PDE4B: variants seen among roughly 807,000 people sequenced by gnomAD.
PDE4B encodes the protein 3',5'-cyclic-AMP phosphodiesterase 4B.
A neutral mutation model predicts 82.2 loss-of-function variants in PDE4B; 20 were observed. That is an observed-to-expected ratio of 0.24 (90% CI 0.17 to 0.35). PDE4B has a LOEUF of 0.35. Ranked by LOEUF, PDE4B falls within the 10% of genes least tolerant of loss-of-function variation. PDE4B has a pLI of 1.00. For synonymous variants in PDE4B, 320 were observed against 318.9 expected, an observed-to-expected ratio of 1.00 and a Z score of -0.04; for missense variants, 655 against 907.2, an observed-to-expected ratio of 0.72 and a Z score of 3.57.
At chr1:66,230,549 A>C (rs369929989) in intron 3 of PDE4B, among the ~76,000 whole-genome samples, 3 of 152,376 alleles carry the variant, frequency 2.0e-5, no homozygotes, top group South Asian at 2.1e-4. Flanking sequence ...GGCAAATTTG[A>C]AAGTTTTGTG....
intron 1 of PDE4B, among the ~76,000 whole-genome samples, chr1:65,846,417 G>T (rs1331726542): frequency 6.6e-6 from 1 of 152,224 alleles, no homozygotes; most frequent in Non-Finnish European, 1.5e-5. Context: ...ACACAGTTGA[G>T]AAATCGTAGA....
At chr1:66,216,831 C>A (rs970644702) in intron 3 of PDE4B, among the ~76,000 whole-genome samples, 2 of 152,098 alleles carry the variant, frequency 1.3e-5, no homozygotes, top group African/African-American at 4.8e-5. Flanking sequence ...ATAGCACAGT[C>A]ATTAATTTGC....
chr1:66,332,999 G>T (rs138305093), intron 8 of PDE4B, among the ~76,000 whole-genome samples: 87 of 152,302 alleles, frequency 5.7e-4, no homozygotes, highest in South Asian at 5.2e-3. Flanking sequence ...TTGCAATCAG[G>T]TGTCACATAT....
At chr1:65,996,401 A>G (rs1374742241) in intron 3 of PDE4B, among the ~76,000 whole-genome samples, 1 of 151,976 alleles carries the variant, frequency 6.6e-6, no homozygotes, top group Admixed American at 6.6e-5. Flanking sequence ...AAGAGCCTGC[A>G]TGAATCTGAA....
chr1:66,332,402 G>C (rs1303208678), intron 7 of PDE4B, 106 bp from the exon 8 acceptor site: 5 of 1,613,942 alleles, frequency 3.1e-6, no homozygotes, highest in East Asian at 2.2e-5. Flanking sequence ...GAAGGAGCAC[G>C]GGGGCACCTT....
At chr1:65,969,350 A>G (rs1045854106) in intron 3 of PDE4B, among the ~76,000 whole-genome samples, 1 of 152,306 alleles carries the variant, frequency 6.6e-6, no homozygotes, top group East Asian at 1.9e-4. Flanking sequence ...ACTGGCTAGA[A>G]TTAGTCACAT....
intron 3 of PDE4B, among the ~76,000 whole-genome samples, chr1:66,000,281 A>G (rs1389343810): frequency 1.3e-5 from 2 of 152,204 alleles, no homozygotes; most frequent in African/African-American, 2.4e-5. Context: ...CCTTCAAAAT[A>G]TTTACATAGT....
chr1:66,186,398 A>C (rs1438594261), intron 3 of PDE4B, among the ~76,000 whole-genome samples: 1 of 152,168 alleles, frequency 6.6e-6, no homozygotes, highest in Non-Finnish European at 1.5e-5. Flanking sequence ...TGATGGAGAT[A>C]GCATCGAATC....
intron 3 of PDE4B, among the ~76,000 whole-genome samples, chr1:66,128,779 G>T (rs1188858921): frequency 6.6e-6 from 1 of 152,164 alleles, no homozygotes; most frequent in Non-Finnish European, 1.5e-5. Flanking sequence ...GAAGGTGAAA[G>T]GTACGTCTTA....
intron 1 of PDE4B, among the ~76,000 whole-genome samples, chr1:65,900,743 T>C: frequency 6.6e-6 from 1 of 152,140 alleles, no homozygotes; most frequent in African/African-American, 2.4e-5. Context: ...ACATTCTTGA[T>C]TTGGCTCTCA....
intron 3 of PDE4B, chr1:66,094,498 G>A (rs867402456): frequency 5.9e-5 from 9 of 152,058 alleles, no homozygotes; most frequent in African/African-American, 2.2e-4. Flanking sequence ...AGCAATGACT[G>A]CGCCTCAGAT....
chr1:66,318,390 G>A (rs1659173285), intron 7 of PDE4B, among the ~76,000 whole-genome samples: 1 of 152,164 alleles, frequency 6.6e-6, no homozygotes, highest in African/African-American at 2.4e-5. Context: ...CAATCCAAAT[G>A]TCTCCTTGAG....
intron 13 of PDE4B, 87 bp from the exon 14 acceptor site, chr1:66,367,609 A>C: frequency 2.8e-6 from 3 of 1,085,406 alleles, no homozygotes; most frequent in Middle Eastern, 2.4e-4. Flanking sequence ...ATTTGGAGAG[A>C]ACTAGGTCTG....
At chr1:66,131,828 A>G (rs1297122183) in intron 3 of PDE4B, among the ~76,000 whole-genome samples, 2 of 151,844 alleles carry the variant, frequency 1.3e-5, no homozygotes, top group Non-Finnish European at 2.9e-5. Context: ...GTAGGGAGAC[A>G]GTCAACAAGC....
chr1:66,337,405 C>A (rs138318868), intron 8 of PDE4B, among the ~76,000 whole-genome samples: 15 of 152,342 alleles, frequency 9.8e-5, no homozygotes, highest in African/African-American at 3.4e-4. Context: ...CCCGGCCACA[C>A]AAGCCTCTTC....
chr1:66,010,844 T>C (rs1386219250), intron 3 of PDE4B, among the ~76,000 whole-genome samples: 2 of 149,194 alleles, frequency 1.3e-5, no homozygotes, highest in Non-Finnish European at 1.5e-5. Context: ...GAGAGAAAGA[T>C]GATTAATCTT....
chr1:65,845,788 A>G (rs769865462), intron 1 of PDE4B, among the ~76,000 whole-genome samples: 2 of 152,080 alleles, frequency 1.3e-5, no homozygotes, highest in African/African-American at 2.4e-5. Flanking sequence ...TGACTCTTTC[A>G]GATTGAGGAA....
chr1:65,891,959 C>A (rs543869033), intron 1 of PDE4B, among the ~76,000 whole-genome samples: 1 of 152,128 alleles, frequency 6.6e-6, no homozygotes, highest in Admixed American at 6.6e-5. Context: ...CTGATAATCT[C>A]CTTTATACTT....
intron 3 of PDE4B, among the ~76,000 whole-genome samples, chr1:66,189,832 C>T (rs1197124988): frequency 2.0e-5 from 3 of 152,202 alleles, no homozygotes; most frequent in Non-Finnish European, 2.9e-5. Context: ...CTTCTCTCAA[C>T]TCATCAAAGT....
Sources: gnomAD v4.1 joint callset for allele counts (sites outside exome capture counted in the v4.1 genomes callset) on GRCh38, gnomAD v4.1.1 for gene constraint, MANE v1.5 for transcripts, NCBI Gene and HGNC (gene_info 2026-07-23, HGNC 2026-07-21) for gene names.